The following FAT3 variants were observed in gnomAD, a reference collection of about 807,000 sequenced individuals.
FAT3 encodes the protein protocadherin Fat 3.
In FAT3, 95 loss-of-function variants were observed where a neutral mutation model predicts 310.2. The observed-to-expected ratio is 0.31, with a 90% CI of 0.26 to 0.36. The LOEUF (loss-of-function observed/expected upper bound fraction) is 0.36, where lower values mean the gene tolerates loss of function less well. Ranked by LOEUF, FAT3 falls within the 10% of genes least tolerant of loss-of-function variation. FAT3 has a pLI of 1.00. For synonymous variants in FAT3, 2,314 were observed against 2,192.9 expected, an observed-to-expected ratio of 1.06 and a Z score of -1.54; for missense variants, 5,408 against 5,715.6, an observed-to-expected ratio of 0.95 and a Z score of 1.74.
intron 25 of FAT3, 84 bp downstream of exon 25, chr11:92,887,197 C>T (rs1312993915): frequency 3.3e-6 from 4 of 1,204,470 alleles, no homozygotes; most frequent in Non-Finnish European, 4.8e-6. Flanking sequence ...GGTGGTGCAA[C>T]TGGCTTTGTT....
At chr11:92,792,473 C>T (rs1478777130) in intron 8 of FAT3, among the ~76,000 whole-genome samples, 2 of 152,104 alleles carry the variant, frequency 1.3e-5, no homozygotes, top group Non-Finnish European at 2.9e-5. Flanking sequence ...AGAGCCAGAG[C>T]ACAGTGCTGT....
rs186116881 is a variant in FAT3 at position 92,241,789 on chromosome 11, A to T, written c.-18+16615A>T. Reference sequence around the variant, plus strand: ...AAAATATGCTTGTAAAAGTAAAATTAAAAAAAATCCCATTTGAATGAGCCT... The same window carrying T: ...AAAATATGCTTGTAAAAGTAAAATTTAAAAAAATCCCATTTGAATGAGCCT... On this transcript the variant is annotated intron_variant, in intron 1 of 27. Transcript: ENST00000525166. Among the ~76,000 whole-genome samples the T allele has an allele frequency of 7.6e-3, 1,158 of 152,024 alleles. 15 individuals carry two copies. Among genetic ancestry groups the T allele is most frequent in the African/African-American group, 0.026 (1,094 of 41,478 alleles).
intron 1 of FAT3, among the ~76,000 whole-genome samples, chr11:92,348,327 C>T (rs559435714): frequency 9.9e-5 from 15 of 152,270 alleles, no homozygotes; most frequent in Non-Finnish European, 1.5e-4. Flanking sequence ...CCACCGATTC[C>T]GGTTTTTAAG....
intron 1 of FAT3, among the ~76,000 whole-genome samples, chr11:92,232,670 T>C (rs1188866622): frequency 4.4e-5 from 6 of 137,920 alleles, no homozygotes; most frequent in African/African-American, 1.7e-4. Context: ...ACTGTGCAAC[T>C]GATTAGGATG....
chr11:92,492,276 C>T (rs1022141442), intron 2 of FAT3, among the ~76,000 whole-genome samples: 2 of 151,628 alleles, frequency 1.3e-5, no homozygotes, highest in African/African-American at 4.8e-5. Flanking sequence ...TCCATCCATC[C>T]ATCCATCCAT....
At chr11:92,309,042 A>G (rs1947217842) in intron 1 of FAT3, among the ~76,000 whole-genome samples, 2 of 152,124 alleles carry the variant, frequency 1.3e-5, no homozygotes, top group South Asian at 4.2e-4. Flanking sequence ...CAGGCTGCAT[A>G]AAAATGAAAT....
At chr11:92,861,212 G>C (rs774284221) in intron 21 of FAT3, among the ~76,000 whole-genome samples, 3 of 152,206 alleles carry the variant, frequency 2.0e-5, no homozygotes, top group African/African-American at 7.2e-5. Flanking sequence ...AGGGCTCTAC[G>C]TGGGCCTCAC....
intron 4 of FAT3, among the ~76,000 whole-genome samples, chr11:92,733,253 A>G (rs1329500651): frequency 1.3e-5 from 2 of 152,218 alleles, no homozygotes; most frequent in African/African-American, 2.4e-5. Context: ...AAACAAGTCT[A>G]CATTCTGGAA....
chr11:92,587,045 A>G (rs1434671041), intron 3 of FAT3, among the ~76,000 whole-genome samples: 2 of 152,028 alleles, frequency 1.3e-5, no homozygotes, highest in Admixed American at 6.6e-5. Context: ...TATAGTAGCT[A>G]TAGGAATCTT....
intron 3 of FAT3, among the ~76,000 whole-genome samples, chr11:92,601,732 A>G (rs1007464183): frequency 6.6e-6 from 1 of 152,202 alleles, no homozygotes; most frequent in Non-Finnish European, 1.5e-5. Context: ...CCTATTATAT[A>G]CAGAATAAGC....
intron 2 of FAT3, among the ~76,000 whole-genome samples, chr11:92,503,577 C>G (rs1478426635): frequency 6.6e-6 from 1 of 152,124 alleles, no homozygotes; most frequent in Admixed American, 6.6e-5. Flanking sequence ...TAGGATCTTT[C>G]AGCTGAACTC....
intron 4 of FAT3, among the ~76,000 whole-genome samples, chr11:92,729,998 T>C (rs754955032): frequency 6.6e-6 from 1 of 152,078 alleles, no homozygotes; most frequent in Non-Finnish European, 1.5e-5. Context: ...TACTTTCCTG[T>C]TTTCATAATT....
In FAT3 at chr11:92,311,505, A is replaced by G. The variant is rs540961431; in HGVS notation, c.-17-40591A>G. Among the ~76,000 whole-genome samples the G allele has an allele frequency of 1.1e-4, 16 of 152,282 alleles. 1 individual carries two copies. The South Asian group carries it at 3.3e-3, about 32-fold the overall frequency. On this transcript the variant is annotated intron_variant, in intron 1 of 27. Transcript: ENST00000525166. ...TTTAAGTCACCTTATTTTATTTATT[A>G]CGTTATAGAATTTGCTCCAAAGAGC...
At chr11:92,882,099 T>C (rs1409404813) in intron 23 of FAT3, among the ~76,000 whole-genome samples, 1 of 152,198 alleles carries the variant, frequency 6.6e-6, no homozygotes, top group African/African-American at 2.4e-5. Flanking sequence ...TCCCAAAAGC[T>C]CTGAGAACTT....
chr11:92,683,848 A>G (rs1285295065), intron 3 of FAT3, among the ~76,000 whole-genome samples: 1 of 152,208 alleles, frequency 6.6e-6, no homozygotes, highest in Non-Finnish European at 1.5e-5. Flanking sequence ...TAGTTGAACT[A>G]GCTAGTCCCA....
At chr11:92,582,733 T>C (rs1037338943) in intron 3 of FAT3, among the ~76,000 whole-genome samples, 1 of 152,030 alleles carries the variant, frequency 6.6e-6, no homozygotes, top group Admixed American at 6.6e-5. Flanking sequence ...TGGGACAGCC[T>C]AGATTCTATC....
At chr11:92,455,845 T>A (rs868433065) in intron 2 of FAT3, among the ~76,000 whole-genome samples, 35 of 152,228 alleles carry the variant, frequency 2.3e-4, no homozygotes, top group Non-Finnish European at 1.2e-4. Flanking sequence ...TTTCTATTAT[T>A]GTTATTTGGC....
intron 4 of FAT3, among the ~76,000 whole-genome samples, chr11:92,738,166 C>T (rs999116065): frequency 6.6e-6 from 1 of 152,140 alleles, no homozygotes; most frequent in African/African-American, 2.4e-5. Context: ...AATACAAATA[C>T]ATCATCACTC....
intron 1 of FAT3, among the ~76,000 whole-genome samples, chr11:92,312,035 C>T (rs1947317461): frequency 6.6e-6 from 1 of 152,220 alleles, no homozygotes; most frequent in East Asian, 1.9e-4. Flanking sequence ...AATTTTTCTT[C>T]TCTTCCAAGT....
Sources: gnomAD v4.1 joint callset for allele counts (sites outside exome capture counted in the v4.1 genomes callset) on GRCh38, gnomAD v4.1.1 for gene constraint, MANE v1.5 for transcripts, NCBI Gene and HGNC (gene_info 2026-07-23, HGNC 2026-07-21) for gene names.